Variants in SYNPO2 observed in about 807,000 individuals in gnomAD.
SYNPO2 encodes synaptopodin-2.
In SYNPO2, 56 loss-of-function variants were observed where a neutral mutation model predicts 85.0. The ratio of observed to expected loss-of-function variants is 0.66; its 90% CI spans 0.53 to 0.82. SYNPO2 has a LOEUF of 0.82. Among genes scored for constraint, SYNPO2 ranks in the 40% least tolerant of loss-of-function variants. The pLI is 0.00. For missense variants in SYNPO2, 1,575 were observed against 1,534.2 expected (o/e 1.03, Z -0.44); for synonymous variants, 602 against 591.1 (o/e 1.02, Z -0.27).
At chr4:118,958,622 C>A (rs1734963615) in intron 1 of SYNPO2, among the ~76,000 whole-genome samples, 1 of 142,538 alleles carries the variant, frequency 7.0e-6, no homozygotes, top group East Asian at 2.1e-4. Flanking sequence ...GGATGATGAT[C>A]CTGAGTAACT....
intron 1 of SYNPO2, among the ~76,000 whole-genome samples, chr4:118,907,287 T>G (rs1479496048): frequency 6.6e-6 from 1 of 152,200 alleles, no homozygotes; most frequent in African/African-American, 2.4e-5. Context: ...TTACTCAAAC[T>G]TTGGATCCAA....
At position 119,057,510 on chromosome 4, in the gene SYNPO2, G is replaced by C. The variant is rs371384475; in HGVS notation, c.3362G>C (p.Gly1121Ala). The change falls in exon 5 of 5, where the codon GGA (glycine) becomes GCA (alanine). Residue 1121 changes from glycine (G) to alanine (A), a missense_variant. Transcript: ENST00000307142. ...AGTTACTCTAGTAAACCAACCGATG[G>C]ACTAGAGAAAGCAAACAAGAGACCA... Reference protein sequence around the residue: ...TYSYSSKPTDGLEKANKRPTP... With the variant: ...TYSYSSKPTDALEKANKRPTP... 12 of 1,614,032 alleles carry C rather than the reference G, an allele frequency of 7.4e-6. No homozygotes were observed. Among genetic ancestry groups the C allele is most frequent in the Non-Finnish European group, 8.5e-6 (10 of 1,180,020 alleles).
chr4:119,016,328 T>A (rs914742557), intron 1 of SYNPO2, among the ~76,000 whole-genome samples: 58 of 151,126 alleles, frequency 3.8e-4, no homozygotes, highest in African/African-American at 1.1e-3. Context: ...GAGGCAGGAG[T>A]ATTGCTTGAA....
At chr4:118,986,389 C>T (rs185309508) in intron 1 of SYNPO2, among the ~76,000 whole-genome samples, 136 of 152,232 alleles carry the variant, frequency 8.9e-4, no homozygotes, top group Non-Finnish European at 1.0e-3. Context: ...AAAATAAGTC[C>T]GACATGTTTA....
At chr4:118,958,051 C>T (rs1449277867) in intron 1 of SYNPO2, among the ~76,000 whole-genome samples, 1 of 152,176 alleles carries the variant, frequency 6.6e-6, no homozygotes, top group African/African-American at 2.4e-5. Flanking sequence ...GAACTTTTGA[C>T]TTTTGGCAAG....
chr4:118,931,806 G>A (rs552768687), intron 1 of SYNPO2, among the ~76,000 whole-genome samples: 1 of 152,138 alleles, frequency 6.6e-6, no homozygotes, highest in Non-Finnish European at 1.5e-5. Flanking sequence ...AATGCCTCAG[G>A]CTTTTATGGA....
intron 1 of SYNPO2, among the ~76,000 whole-genome samples, chr4:118,958,134 T>C (rs1734942964): frequency 6.6e-6 from 1 of 152,158 alleles, no homozygotes; most frequent in African/African-American, 2.4e-5. Flanking sequence ...TCAAGGGACT[T>C]TACTCTTAGC....
At chr4:119,057,083 G>T (rs970005952) in intron 4 of SYNPO2, among the ~76,000 whole-genome samples, 7 of 152,036 alleles carry the variant, frequency 4.6e-5, no homozygotes, top group Non-Finnish European at 1.0e-4. Flanking sequence ...CAGAGCCCCC[G>T]CCCTGCCCCT....
At chr4:118,875,807 A>G (rs1343325416) in intron 1 of SYNPO2, among the ~76,000 whole-genome samples, 1 of 152,364 alleles carries the variant, frequency 6.6e-6, no homozygotes, top group East Asian at 1.9e-4. Flanking sequence ...TCTGCCCGTT[A>G]ATGTTTCCAC....
At chr4:119,037,723 T>C in intron 4 of SYNPO2, 3 of 911,952 alleles carry the variant, frequency 3.3e-6, no homozygotes, top group Non-Finnish European at 3.9e-6. Context: ...ATAGCTAACA[T>C]TAGCTGAGCA....
chr4:119,020,381 C>T (rs1298025253), intron 1 of SYNPO2, among the ~76,000 whole-genome samples: 1 of 152,104 alleles, frequency 6.6e-6, no homozygotes, highest in African/African-American at 2.4e-5. Context: ...TATTTAGATA[C>T]CATTAAGAGC....
At chr4:118,949,825 C>G (rs1420334173) in intron 1 of SYNPO2, among the ~76,000 whole-genome samples, 3 of 152,062 alleles carry the variant, frequency 2.0e-5, no homozygotes, top group Non-Finnish European at 4.4e-5. Context: ...TCTACACATG[C>G]TATCAAGTCG....
intron 1 of SYNPO2, among the ~76,000 whole-genome samples, chr4:118,883,482 T>G (rs112336717): frequency 1.3e-3 from 196 of 152,308 alleles, no homozygotes; most frequent in African/African-American, 4.4e-3. Flanking sequence ...TCAGTTCATG[T>G]TAGGCCCAGA....
intron 1 of SYNPO2, among the ~76,000 whole-genome samples, chr4:118,902,032 A>AG (rs58563759): frequency 0.79 from 120,186 of 151,596 alleles, 47,732 homozygotes; most frequent in South Asian, 0.88. Flanking sequence ...GGTATGGTCA[A>AG]CAAAAGTAAA....
At chr4:119,032,374 A>T in intron 4 of SYNPO2, 1 of 1,205,374 alleles carries the variant, frequency 8.3e-7, no homozygotes, top group Non-Finnish European at 1.0e-6. Flanking sequence ...GTGATATCAA[A>T]CATCAGGAAT....
At chr4:118,925,622 C>T (rs756129498) in intron 1 of SYNPO2, among the ~76,000 whole-genome samples, 1 of 152,112 alleles carries the variant, frequency 6.6e-6, no homozygotes, top group African/African-American at 2.4e-5. Context: ...ACATTCATTA[C>T]CTTTAGACTT....
intron 1 of SYNPO2, among the ~76,000 whole-genome samples, chr4:118,976,079 C>T (rs1735717973): frequency 1.3e-5 from 2 of 152,236 alleles, no homozygotes; most frequent in South Asian, 2.1e-4. Flanking sequence ...GACTTTGTGT[C>T]CAGAATTGGT....
chr4:118,916,319 C>A lies in SYNPO2; in HGVS notation c.105+27178C>A, dbSNP rs186565302. 2.6e-3 allele frequency among the ~76,000 whole-genome samples: 389 copies of A among 151,780 alleles called. 2 individuals are homozygous for A. The highest frequency in any genetic ancestry group is 8.8e-3 in the African/African-American group (365 of 41,388). ...TCCTGAGTAGCTGGGAATAAAGGCA[C>A]GCACCACCACACCCAGCTGATTTTT... On this transcript the variant is annotated intron_variant, in intron 1 of 4. Coordinates refer to ENST00000307142, the MANE Select transcript of SYNPO2 (RefSeq NM_133477.3).
intron 1 of SYNPO2, among the ~76,000 whole-genome samples, chr4:118,872,417 T>C (rs528155980): frequency 6.6e-6 from 1 of 152,302 alleles, no homozygotes; most frequent in South Asian, 2.1e-4. Flanking sequence ...AAAAAAAGTA[T>C]CCAGATGCCG....
Sources: allele counts gnomAD v4.1 joint callset (sites outside exome capture counted in the v4.1 genomes callset), GRCh38; gene constraint gnomAD v4.1.1; transcripts MANE v1.5; gene names NCBI Gene and HGNC (gene_info 2026-07-23, HGNC 2026-07-21).